The following MYH13 variants were observed in gnomAD, a reference collection of about 807,000 sequenced individuals.
The protein encoded by MYH13 is myosin heavy chain 13.
MYH13 carries 177 observed loss-of-function variants against 232.1 expected under a neutral mutation model. The observed-to-expected ratio is 0.76, with a 90% confidence interval of 0.67 to 0.86. The LOEUF (loss-of-function observed/expected upper bound fraction) is 0.86, where lower values mean the gene tolerates loss of function less well. Among genes scored for constraint, MYH13 ranks in the 40% least tolerant of loss-of-function variants. The pLI, the probability that MYH13 is intolerant of heterozygous loss-of-function variation, is 0.00. For synonymous variants in MYH13, 884 were observed against 923.5 expected, an observed-to-expected ratio of 0.96 and a Z score of 0.78; for missense variants, 2,246 against 2,405.9, an observed-to-expected ratio of 0.93 and a Z score of 1.39.
intron 23 of MYH13, among the ~76,000 whole-genome samples, chr17:10,321,927 G>C (rs993034761): frequency 2.0e-5 from 3 of 152,124 alleles, no homozygotes; most frequent in African/African-American, 7.2e-5. Flanking sequence ...ATTTAAGGAG[G>C]GCATTATATT....
At chr17:10,350,862 T>A (rs571090715) in intron 11 of MYH13, 168 bp from the exon 12 acceptor site, 185 of 847,964 alleles carry the variant, frequency 2.2e-4, no homozygotes, top group Admixed American at 5.2e-4. Context: ...TTGTTTCACG[T>A]GTTTGTGTGG....
chr17:10,372,983 A>G lies in MYH13; in HGVS notation c.-68T>C, dbSNP rs2071888184. On this transcript the variant is annotated 5_prime_UTR_variant, in exon 1 of 41. Transcript: ENST00000252172. ...TGAGCACTTGTGAGCACTTACCTAG[A>G]GATGCTGCGGTCACAGCAATTTCAG... 1 of 152,192 alleles carries G rather than the reference A, an allele frequency of 6.6e-6. No individual in the cohort carries two copies. The highest frequency in any genetic ancestry group is 1.5e-5 in the Non-Finnish European group (1 of 68,048). The allele number at this position is 152,192 out of a possible 1,614,324, so 9.4% of individuals were successfully genotyped here.
chr17:10,322,255 A>G (rs918740132), intron 23 of MYH13, among the ~76,000 whole-genome samples: 8 of 151,660 alleles, frequency 5.3e-5, no homozygotes, highest in South Asian at 2.1e-4. Flanking sequence ...AAAATTAGCC[A>G]GGCATGGTGG....
At chr17:10,317,032 G>A (rs16943288) in intron 27 of MYH13, among the ~76,000 whole-genome samples, 23,645 of 152,132 alleles carry the variant, frequency 0.16, 2,059 homozygotes, top group East Asian at 0.32. Context: ...AAGGAGAATC[G>A]TCAAAGGGGA....
chr17:10,316,955 T>C (rs1324872409), intron 27 of MYH13, among the ~76,000 whole-genome samples: 7 of 152,176 alleles, frequency 4.6e-5, no homozygotes, highest in African/African-American at 1.4e-4. Context: ...TAGGATCTCT[T>C]TGAGAAGATG....
intron 8 of MYH13, among the ~76,000 whole-genome samples, chr17:10,356,177 G>A (rs2071748031): frequency 6.6e-6 from 1 of 152,128 alleles, no homozygotes; most frequent in African/African-American, 2.4e-5. Context: ...AAATGTGGAT[G>A]GTACTTAGTA....
chr17:10,327,116 C>T (rs1305587707), intron 22 of MYH13, among the ~76,000 whole-genome samples: 1 of 62,244 alleles, frequency 1.6e-5, no homozygotes, highest in Admixed American at 1.9e-4. Context: ...ATTCTCCTGC[C>T]TCAGCCTCCC....
rs149905171 is a variant in MYH13, at chr17:10,316,002, C to T, written c.3762G>A (p.Arg1254=). Residue 1254 remains arginine (R), a synonymous_variant, in exon 28 of 41, where the codon CGG becomes CGA. Coordinates refer to ENST00000252172, the MANE Select transcript of MYH13 (RefSeq NM_003802.3). ...KSKSNIERTC[R]TVEDQFSEIK... ...TTTCACTAAATTGATCTTCTACCGT[C>T]CGGCACGTTCTTTCTATGTTACTCT... is the stretch of plus-strand genomic sequence containing the variant. The T allele has an allele frequency of 9.4e-4, 1,523 of 1,614,050 alleles. 26 individuals are homozygous for T. In the East Asian group the frequency reaches 0.027, roughly 29 times the overall value.
At chr17:10,321,488 C>G (rs759801572) in intron 24 of MYH13, 44 bp downstream of exon 24, 13 of 1,568,486 alleles carry the variant, frequency 8.3e-6, no homozygotes, top group Admixed American at 1.7e-5. Flanking sequence ...GTCTGTGCTT[C>G]CACAAGTGAT....
chr17:10,315,578 G>A, intron 29 of MYH13, 115 bp downstream of exon 29: 4 of 905,034 alleles, frequency 4.4e-6, no homozygotes, highest in Non-Finnish European at 6.8e-6. Context: ...ACAGGTGTGA[G>A]TCACCGTGCC....
chr17:10,345,772 A>T (rs1415790520), intron 13 of MYH13, among the ~76,000 whole-genome samples, 156 bp from the exon 14 acceptor site: 1 of 152,156 alleles, frequency 6.6e-6, no homozygotes, highest in Non-Finnish European at 1.5e-5. Context: ...AGGCGGGCGG[A>T]TCACGAGGTC....
chr17:10,352,292 G>C (rs1227184196), intron 11 of MYH13, among the ~76,000 whole-genome samples: 1 of 152,098 alleles, frequency 6.6e-6, no homozygotes, highest in Non-Finnish European at 1.5e-5. Flanking sequence ...TACCAGGCAG[G>C]CTATAAAAGC....
At chr17:10,350,986 C>A (rs1224196415) in intron 11 of MYH13, among the ~76,000 whole-genome samples, 2 of 151,752 alleles carry the variant, frequency 1.3e-5, no homozygotes, top group Admixed American at 1.3e-4. Context: ...CTTTGAGAGG[C>A]CAGGGCAGGC....
At chr17:10,309,949 T>G in intron 33 of MYH13, 119 bp from the exon 34 acceptor site, 3 of 820,906 alleles carry the variant, frequency 3.7e-6, no homozygotes, top group Non-Finnish European at 5.1e-6. Flanking sequence ...AATTTAAATT[T>G]TTTTTTTTTT....
Position 10,306,438 on chromosome 17 carries a change from C to T in MYH13, c.5466+21G>A. 1.9e-6 allele frequency: 3 copies of T among 1,614,022 alleles called. No homozygotes were observed. Among genetic ancestry groups the T allele is most frequent in the Non-Finnish European group, 2.5e-6 (3 of 1,179,944 alleles). On this transcript the variant is annotated intron_variant, in intron 37 of 40. Coordinates refer to ENST00000252172, the MANE Select transcript of MYH13 (RefSeq NM_003802.3). The surrounding 1 kb of genome is among the most constrained non-coding windows in gnomAD (Gnocchi z 4.3). ...TCCGAGGCTGTCACTTTCAGAGTAACAGTCCTCTCAAAAACTCTACCCGGT... is the reference window on the plus strand; with the variant it reads ...TCCGAGGCTGTCACTTTCAGAGTAATAGTCCTCTCAAAAACTCTACCCGGT...
intron 7 of MYH13, among the ~76,000 whole-genome samples, chr17:10,358,422 T>C (rs2071765747): frequency 6.6e-6 from 1 of 152,172 alleles, no homozygotes; most frequent in Admixed American, 6.5e-5. Context: ...CTAGTGGTTC[T>C]CAAAGTGTGG....
At chr17:10,316,153 A>AAT in intron 27 of MYH13, 128 bp from the exon 28 acceptor site, 1 of 1,252,824 alleles carries the variant, frequency 8.0e-7, no homozygotes, top group Non-Finnish European at 1.1e-6. Context: ...AACAAAAAAA[A>AAT]GTTCAGTTTC....
Position 10,306,903 on chromosome 17 carries a change from C to T in MYH13, c.5295+36G>A. 6.2e-7 allele frequency: 1 copy of T among 1,611,254 alleles called. No homozygotes were observed. Among genetic ancestry groups the T allele is most frequent in the Non-Finnish European group, 8.5e-7 (1 of 1,179,736 alleles). On this transcript the variant is annotated intron_variant, in intron 36 of 40. Coordinates refer to ENST00000252172, the MANE Select transcript of MYH13 (RefSeq NM_003802.3). The surrounding 1 kb of genome is among the most constrained non-coding windows in gnomAD (Gnocchi z 4.3). Reference sequence around the variant, plus strand: ...CTCAGAGGCCCCACTTTCTCAGTTCCAAACCCCATCTCTGAAAAGGAAGAA... The same window carrying T: ...CTCAGAGGCCCCACTTTCTCAGTTCTAAACCCCATCTCTGAAAAGGAAGAA...
chr17:10,331,480 C>T (rs1396787655), intron 20 of MYH13, among the ~76,000 whole-genome samples: 1 of 152,234 alleles, frequency 6.6e-6, no homozygotes, highest in Non-Finnish European at 1.5e-5. Flanking sequence ...ATCACCATCA[C>T]TCCCACCTCG....
Sources: gnomAD v4.1 joint callset for allele counts (sites outside exome capture counted in the v4.1 genomes callset) on GRCh38, gnomAD v4.1.1 for gene constraint, Gnocchi (gnomAD v3.1) non-coding constraint, MANE v1.5 for transcripts, NCBI Gene and HGNC (gene_info 2026-07-23, HGNC 2026-07-21) for gene names.